IGFBP6: variants seen among roughly 807,000 people sequenced by gnomAD.
IGFBP6 encodes insulin-like growth factor-binding protein 6.
Under a neutral mutation model 24.5 loss-of-function variants are expected in IGFBP6, and 24 were observed. The observed-to-expected ratio is 0.98, with a 90% CI of 0.71 to 1.38. The LOEUF (loss-of-function observed/expected upper bound fraction) is 1.38, where lower values mean the gene tolerates loss of function less well. Among genes scored for constraint, IGFBP6 ranks in the 40% most tolerant of loss-of-function variants. The pLI is 0.00. For missense variants in IGFBP6, 331 were observed against 324.8 expected (o/e 1.02, Z -0.15); for synonymous variants, 147 against 137.4 (o/e 1.07, Z -0.49).
rs1229634439 is a variant in IGFBP6 at position 53,100,791 on chromosome 12, G to A, written c.414G>A (p.Gln138=). The change falls in exon 2 of 4, where the codon CAG becomes CAA. Residue 138 remains glutamine (Q), a synonymous_variant. Transcript: ENST00000301464. ...AGGATGTGAACCGCAGAGACCAACA[G>A]AGGAATCCAGGCACCTCTACCACGC... ...RPQDVNRRDQ[Q]RNPGTSTTPS... is the part of the protein sequence containing the mutation. 1.9e-6 allele frequency: 3 copies of A among 1,614,096 alleles called. No individual in the cohort carries two copies. The highest frequency in any genetic ancestry group is 2.7e-5 in the African/African-American group (2 of 74,946).
Position 53,102,032 on chromosome 12 carries a change from CCT to C in IGFBP6, c.601-5_601-4del, listed in dbSNP as rs758078065. On this transcript the variant is annotated splice_polypyrimidine_tract_variant and intron_variant, in intron 3 of 3. Coordinates refer to ENST00000301464, the MANE Select transcript of IGFBP6 (RefSeq NM_002178.3). ...TCTGGCCTCACTCCTGACCTGTGTG[CCT>C]CTCTCTCCAGTGCCGCTCCTCCCAG... 6.2e-7 allele frequency: 1 copy of C among 1,611,822 alleles called. No individual in the cohort carries two copies.
At chr12:53,099,147 A>T in intron 1 of IGFBP6, 1 of 313,932 alleles carries the variant, frequency 3.2e-6, no homozygotes, top group South Asian at 2.2e-5. Context: ...GGCACAGAGG[A>T]AGAGGATCCC....
Position 53,097,995 on chromosome 12 carries a change from C to T in IGFBP6, c.278C>T (p.Pro93Leu). Residue 93 changes from proline to leucine, a missense_variant, in exon 1 of 4, where the codon CCT (proline) becomes CTT (leucine). Transcript: ENST00000301464. ...CATCCGCCCAAGGACGACGAGGCGC[C>T]TTTGCGGGCGCTGCTGCTCGGCCGA... ...QCHPPKDDEA[P>L]LRALLLGRGR... 2 of 1,516,266 alleles carry T rather than the reference C, an allele frequency of 1.3e-6. No homozygotes were observed. The highest frequency in any genetic ancestry group is 1.8e-6 in the Non-Finnish European group (2 of 1,139,732). The allele number at this position is 1,516,266 out of a possible 1,614,324, so 93.9% of individuals were successfully genotyped here.
chr12:53,097,672 C>T lies in IGFBP6; in HGVS notation c.-46C>T. The T allele has an allele frequency of 6.6e-7, 1 of 1,518,466 alleles. No homozygotes were observed. The highest frequency in any genetic ancestry group is 8.8e-7 in the Non-Finnish European group (1 of 1,137,820). The allele number at this position is 1,518,466 out of a possible 1,614,324, so 94.1% of individuals were successfully genotyped here. On this transcript the variant is annotated 5_prime_UTR_variant, in exon 1 of 4. Transcript: ENST00000301464. ...GAGGGGCGGCGGCGGGCAGCAGCTG[C>T]GCTGCGACTGCTCTGGAAGGAGAGG...
intron 1 of IGFBP6, among the ~76,000 whole-genome samples, chr12:53,099,745 A>AAATTAGTTAATTTTTTAAAATTAAGT (rs1203163825): frequency 0.033 from 4,964 of 149,252 alleles, 260 homozygotes; most frequent in African/African-American, 0.086. Flanking sequence ...ATTGATTTTT[A>AAATTAGTTAATTTTTTAAAATTAAGT]AATTAGTTAA....
In IGFBP6 at chr12:53,097,721, AC is replaced by A; in HGVS notation, c.10del (p.His4ThrfsTer11). MTPHRLLPPLLL... is the reference protein window; with the variant it reads MXPHRLLPPLLL... ...GGACGGGGCACAAACCCTGACCATG[AC>A]CCCCCACAGGCTGCTGCCACCGCTG... On this transcript the variant is annotated frameshift_variant, in exon 1 of 4. Coordinates refer to ENST00000301464, the MANE Select transcript of IGFBP6 (RefSeq NM_002178.3). LOFTEE classifies it high-confidence loss of function. 1 of 1,543,900 alleles carries A rather than the reference AC, an allele frequency of 6.5e-7. No individual in the cohort carries two copies. Among genetic ancestry groups the A allele is most frequent in the Non-Finnish European group, 8.7e-7 (1 of 1,146,254 alleles).
At position 53,100,815 on chromosome 12, in the gene IGFBP6, G is replaced by T; in HGVS notation, c.438G>T (p.Thr146=). The change falls in exon 2 of 4, where the codon ACG becomes ACT. Residue 146 remains threonine, a synonymous_variant. Transcript: ENST00000301464. ...AGAGGAATCCAGGCACCTCTACCACGCCCTCCCAGCCCAATTCTGCGGGTG... is the reference window on the plus strand; with the variant it reads ...AGAGGAATCCAGGCACCTCTACCACTCCCTCCCAGCCCAATTCTGCGGGTG... ...DQQRNPGTST[T]PSQPNSAGVQ... is the part of the protein sequence containing the mutation. 1 of 1,614,180 alleles carries T rather than the reference G, an allele frequency of 6.2e-7. No homozygotes were observed. Among genetic ancestry groups the T allele is most frequent in the Non-Finnish European group, 8.5e-7 (1 of 1,180,036 alleles).
chr12:53,101,263 T>C (rs569597744), intron 3 of IGFBP6, 103 bp downstream of exon 3: 181 of 1,153,744 alleles, frequency 1.6e-4, no homozygotes, highest in Middle Eastern at 8.0e-4. Context: ...CTGCCCCATC[T>C]TTAAGGATCT....
At chr12:53,100,667 G>GGC in intron 1 of IGFBP6, 45 bp from the exon 2 acceptor site, 1 of 1,608,364 alleles carries the variant, frequency 6.2e-7, no homozygotes, top group Non-Finnish European at 8.5e-7. Flanking sequence ...TCTCCACATG[G>GGC]CTCTGCCTGA....
At chr12:53,099,259 C>CA (rs1255855238) in intron 1 of IGFBP6, 1 of 452,968 alleles carries the variant, frequency 2.2e-6, no homozygotes, top group Admixed American at 2.4e-5. Context: ...TTCCTCACCC[C>CA]TTCCCAGTCC....
In IGFBP6 at chr12:53,097,884, G is replaced by A. The variant is rs1218496599; in HGVS notation, c.167G>A (p.Gly56Asp). The A allele has an allele frequency of 6.6e-7, 1 of 1,518,058 alleles. No homozygotes were observed. The highest frequency in any genetic ancestry group is 1.2e-5 in the South Asian group (1 of 80,690). 94.0% of individuals were successfully genotyped at this position (1,518,058 alleles called of 1,614,324 possible). A position where few individuals can be genotyped will look rare whatever the true frequency, so the allele number is the denominator to read the frequency against. Residue 56 changes from glycine (G) to aspartate (D), a missense_variant, in exon 1 of 4, where the codon GGC becomes GAC. By Grantham distance (94) the Gly-to-Asp change is moderately conservative (BLOSUM62 -1). Coordinates refer to ENST00000301464, the MANE Select transcript of IGFBP6 (RefSeq NM_002178.3). ...GAGGATGGGGGGTCGCCAGCCGAGG[G>A]CTGCGCGGAAGCTGAGGGCTGTCTC... Reference protein sequence around the residue: ...EEEDGGSPAEGCAEAEGCLRR... With the variant: ...EEEDGGSPAEDCAEAEGCLRR...
At position 53,098,466 on chromosome 12, in the gene IGFBP6, G is replaced by A. The variant is rs1937778294; in HGVS notation, c.334+415G>A. On this transcript the variant is annotated intron_variant, in intron 1 of 3. Transcript: ENST00000301464. ...GTTCTCAGCTTCCACTTGGAGAAAA[G>A]GGGAGGGGAACCCCAGACTCTGAAA... 4.6e-5 allele frequency among the ~76,000 whole-genome samples: 7 copies of A among 152,162 alleles called. No homozygotes were observed. In the South Asian group the frequency reaches 1.0e-3, roughly 23 times the overall value.
intron 1 of IGFBP6, among the ~76,000 whole-genome samples, chr12:53,099,851 A>T (rs1332514868): frequency 6.6e-6 from 1 of 151,344 alleles, no homozygotes; most frequent in African/African-American, 2.4e-5. Flanking sequence ...TAAGTAATTA[A>T]TTAATTTTAA....
chr12:53,102,051 T>C lies in IGFBP6; in HGVS notation c.607T>C (p.Ser203Pro). The C allele has an allele frequency of 1.2e-6, 2 of 1,613,324 alleles. No individual in the cohort carries two copies. Among genetic ancestry groups the C allele is most frequent in the Non-Finnish European group, 1.7e-6 (2 of 1,179,916 alleles). Residue 203 changes from serine (S) to proline (P), a missense_variant, in exon 4 of 4, where the codon TCC becomes CCC. Coordinates refer to ENST00000301464, the MANE Select transcript of IGFBP6 (RefSeq NM_002178.3). ...TGTGTGCCTCTCTCTCCAGTGCCGC[T>C]CCTCCCAGGGGCAGCGCCGAGGTCC... ...RGFYRKRQCR[S>P]SQGQRRGPCW...
At position 53,097,840 on chromosome 12, in the gene IGFBP6, AG is replaced by A; in HGVS notation, c.128del (p.Gly43AlafsTer90). 6.5e-7 allele frequency: 1 copy of A among 1,532,586 alleles called. No homozygotes were observed. The allele number at this position is 1,532,586 out of a possible 1,614,324, so 94.9% of individuals were successfully genotyped here. On this transcript the variant is annotated frameshift_variant, in exon 1 of 4. Transcript: ENST00000301464. LOFTEE classifies it high-confidence loss of function. ...CGQGVQAGCP[G>X]GCVEEEDGGS... ...GGCAAGGGGTGCAGGCGGGTTGTCC[AG>A]GGGGCTGCGTGGAGGAGGAGGATGG...
chr12:53,099,830 T>TTAATTTTTTAAAATTAAGTAGTTAA (rs1937798978), intron 1 of IGFBP6, among the ~76,000 whole-genome samples: 4 of 125,432 alleles, frequency 3.2e-5, no homozygotes, highest in African/African-American at 1.0e-4. Flanking sequence ...AAGTAGTTAA[T>TTAATTTTTTAAAATTAAGTAGTTAA]TTTTTTTAAT....
In IGFBP6 at chr12:53,101,105, C is replaced by T; in HGVS notation, c.545C>T (p.Ala182Val). The T allele has an allele frequency of 6.2e-7, 1 of 1,614,202 alleles. No individual in the cohort carries two copies. The highest frequency in any genetic ancestry group is 8.5e-7 in the Non-Finnish European group (1 of 1,180,032). ...QQLQTEVYRG[A>V]QTLYVPNCDH... ...CTCCAGACTGAGGTCTACCGAGGGG[C>T]TCAAACACTCTACGTGCCCAATTGT... Residue 182 changes from alanine (A) to valine (V), a missense_variant, in exon 3 of 4, where the codon GCT becomes GTT. Physicochemically the swap from Ala to Val is moderately conservative, Grantham distance 64 (BLOSUM62 0). Coordinates refer to ENST00000301464, the MANE Select transcript of IGFBP6 (RefSeq NM_002178.3).
chr12:53,101,965 C>T, intron 3 of IGFBP6, 80 bp from the exon 4 acceptor site: 1 of 1,269,136 alleles, frequency 7.9e-7, no homozygotes, highest in Non-Finnish European at 1.1e-6. Context: ...GTTTTTACAT[C>T]CTCAGACTCA....
rs200439424 is a variant in IGFBP6 at position 53,101,995 on chromosome 12, C to T, written c.601-50C>T. ...GACTCAGATGTCCCCTCTCATTCTC[C>T]TGCTGGAAGCCTCTGGCCTCACTCC... On this transcript the variant is annotated intron_variant, in intron 3 of 3. Transcript: ENST00000301464. The T allele has an allele frequency of 3.1e-5, 49 of 1,574,132 alleles. No individual in the cohort carries two copies. In the African/African-American group the frequency reaches 3.1e-4, roughly 10 times the overall value.
Sources: gnomAD v4.1 joint callset for allele counts (sites outside exome capture counted in the v4.1 genomes callset) on GRCh38, gnomAD v4.1.1 for gene constraint, MANE v1.5 for transcripts, NCBI Gene and HGNC (gene_info 2026-07-23, HGNC 2026-07-21) for gene names.